Variants in PRKCE observed in about 807,000 individuals in gnomAD.
PRKCE encodes the protein protein kinase C epsilon type.
PRKCE carries 16 observed loss-of-function variants against 85.4 expected under a neutral mutation model. The ratio of observed to expected loss-of-function variants is 0.19; its 90% CI spans 0.13 to 0.28. PRKCE has a LOEUF of 0.28. Ranked by LOEUF, PRKCE falls within the 10% of genes least tolerant of loss-of-function variation. The probability of loss-of-function intolerance (pLI) is 1.00; values close to 1 mark genes in which losing one functional copy is unlikely to be tolerated. For missense variants in PRKCE, 573 were observed against 975.2 expected (o/e 0.59, Z 5.49); for synonymous variants, 388 against 371.5 (o/e 1.04, Z -0.51).
intron 11 of PRKCE, among the ~76,000 whole-genome samples, chr2:46,092,281 T>C (rs1404605189): frequency 6.6e-6 from 1 of 152,228 alleles, no homozygotes; most frequent in Non-Finnish European, 1.5e-5. Flanking sequence ...CATTAAAATT[T>C]GGTCTTTATC....
chr2:45,943,408 G>T (rs1700022706), intron 2 of PRKCE, among the ~76,000 whole-genome samples: 1 of 152,238 alleles, frequency 6.6e-6, no homozygotes, highest in South Asian at 2.1e-4. Context: ...AGGGCAGAGG[G>T]CCACGGAACT....
intron 6 of PRKCE, among the ~76,000 whole-genome samples, chr2:45,990,038 A>G (rs572398567): frequency 6.6e-6 from 1 of 152,310 alleles, no homozygotes; most frequent in East Asian, 1.9e-4. Flanking sequence ...CTACATAACA[A>G]ATGACCCCAG....
intron 1 of PRKCE, among the ~76,000 whole-genome samples, chr2:45,811,454 T>A (rs763945837): frequency 6.6e-5 from 10 of 152,234 alleles, no homozygotes; most frequent in Non-Finnish European, 1.5e-4. Flanking sequence ...CCATAGATTC[T>A]TATTAAAGGA....
In PRKCE at chr2:45,660,863, G is replaced by T. The variant is rs970871072; in HGVS notation, c.348+8415G>T. ...AGTGGCCAAAAGTCTGTACTGTGCTGGGAGAACCAGGAGGACAGGAACATA... is the reference window on the plus strand; with the variant it reads ...AGTGGCCAAAAGTCTGTACTGTGCTTGGAGAACCAGGAGGACAGGAACATA... On this transcript the variant is annotated intron_variant, in intron 1 of 14. Coordinates refer to ENST00000306156, the MANE Select transcript of PRKCE (RefSeq NM_005400.3). 5.3e-5 allele frequency among the ~76,000 whole-genome samples: 8 copies of T among 152,290 alleles called. No homozygotes were observed. The South Asian group carries it at 6.2e-4, about 12-fold the overall frequency.
At chr2:45,674,748 T>A (rs1381135734) in intron 1 of PRKCE, 1 of 152,228 alleles carries the variant, frequency 6.6e-6, no homozygotes, top group Non-Finnish European at 1.5e-5. Context: ...GAGAAGATGC[T>A]TCCTGAAAAG....
chr2:46,054,991 C>T (rs1421040322), intron 10 of PRKCE, among the ~76,000 whole-genome samples: 1 of 152,136 alleles, frequency 6.6e-6, no homozygotes, highest in Admixed American at 6.5e-5. Context: ...TTTCAGCTCC[C>T]CTTCCCACTC....
chr2:45,818,132 T>C (rs1689234637), intron 1 of PRKCE, among the ~76,000 whole-genome samples: 1 of 152,202 alleles, frequency 6.6e-6, no homozygotes, highest in Admixed American at 6.5e-5. Flanking sequence ...ACACAATCAA[T>C]TGGTCCATAA....
chr2:46,119,034 G>T (rs966305828), intron 11 of PRKCE, among the ~76,000 whole-genome samples: 9 of 152,314 alleles, frequency 5.9e-5, no homozygotes, highest in African/African-American at 1.7e-4. Context: ...ATGGCCCATG[G>T]AAGTTTTCCT....
chr2:45,695,618 C>A (rs1052890113), intron 1 of PRKCE, among the ~76,000 whole-genome samples: 1 of 152,124 alleles, frequency 6.6e-6, no homozygotes, highest in African/African-American at 2.4e-5. Flanking sequence ...GCTAAAAATA[C>A]AAAAATTAGC....
intron 2 of PRKCE, among the ~76,000 whole-genome samples, chr2:45,890,702 C>T (rs996992993): frequency 4.6e-5 from 7 of 152,148 alleles, no homozygotes; most frequent in African/African-American, 1.7e-4. Context: ...TTCTAAACAT[C>T]ATAGTAATAT....
intron 10 of PRKCE, among the ~76,000 whole-genome samples, chr2:46,080,253 T>G (rs1350630149): frequency 1.3e-5 from 2 of 152,172 alleles, no homozygotes; most frequent in African/African-American, 4.8e-5. Context: ...TGTGTTAGAT[T>G]TGGAGGTCAG....
chr2:45,834,273 A>T (rs1005196158), intron 1 of PRKCE, among the ~76,000 whole-genome samples: 2 of 152,184 alleles, frequency 1.3e-5, no homozygotes, highest in Non-Finnish European at 2.9e-5. Flanking sequence ...TGTTTCAGCC[A>T]GTTTTGAGGG....
Position 46,004,916 on chromosome 2 carries a change from T to C in PRKCE, c.1063+278T>C, listed in dbSNP as rs1033666428. On this transcript the variant is annotated intron_variant, in intron 8 of 14. Transcript: ENST00000306156. This position sits in a 1 kb window ranked among gnomAD's most constrained non-coding sequence, Gnocchi z 4.1. The stretch of plus-strand genomic sequence containing the variant: ...GATGTTATGGTTATCTGTTTTCCCT[T>C]GCCTCTGTCCCTGGTTCCAAGTGTA... 1.3e-5 allele frequency among the ~76,000 whole-genome samples: 2 copies of C among 152,190 alleles called. No individual in the cohort carries two copies. Among genetic ancestry groups the C allele is most frequent in the African/African-American group, 2.4e-5 (1 of 41,430 alleles).
At chr2:45,937,237 T>C (rs187120774) in intron 2 of PRKCE, among the ~76,000 whole-genome samples, 1 of 152,206 alleles carries the variant, frequency 6.6e-6, no homozygotes, top group Non-Finnish European at 1.5e-5. Flanking sequence ...TTGGGGAGAT[T>C]ATAGCAGAAG....
At chr2:45,720,917 G>T (rs920828311) in intron 1 of PRKCE, among the ~76,000 whole-genome samples, 1 of 152,046 alleles carries the variant, frequency 6.6e-6, no homozygotes, top group Admixed American at 6.6e-5. Flanking sequence ...GACCAGCCTG[G>T]CCAATATGGT....
intron 2 of PRKCE, among the ~76,000 whole-genome samples, chr2:45,853,645 C>G (rs935269492): frequency 6.6e-6 from 1 of 152,170 alleles, no homozygotes; most frequent in Non-Finnish European, 1.5e-5. Context: ...ATAATTTTTA[C>G]TTGCTGGATA....
chr2:45,940,199 C>T (rs753223628), intron 2 of PRKCE, among the ~76,000 whole-genome samples: 1 of 152,136 alleles, frequency 6.6e-6, no homozygotes, highest in Non-Finnish European at 1.5e-5. Flanking sequence ...TAATCTGGCA[C>T]CAGTCCTCAG....
chr2:45,816,136 A>G (rs965702127), intron 1 of PRKCE, among the ~76,000 whole-genome samples: 4 of 152,170 alleles, frequency 2.6e-5, no homozygotes, highest in Non-Finnish European at 4.4e-5. Context: ...TATCACAGCT[A>G]CCAAAATCCC....
intron 11 of PRKCE, among the ~76,000 whole-genome samples, chr2:46,099,644 T>C (rs1483348586): frequency 6.6e-6 from 1 of 152,194 alleles, no homozygotes; most frequent in Non-Finnish European, 1.5e-5. Context: ...TTCTAGCACT[T>C]CTTATACTGC....
Sources: allele counts gnomAD v4.1 joint callset (sites outside exome capture counted in the v4.1 genomes callset), GRCh38; gene constraint gnomAD v4.1.1; non-coding constraint Gnocchi (gnomAD v3.1); transcripts MANE v1.5; gene names NCBI Gene and HGNC (gene_info 2026-07-23, HGNC 2026-07-21).